The following PLXNA4 variants were observed in gnomAD, a reference collection of about 807,000 sequenced individuals.
The protein encoded by PLXNA4 is plexin A4.
Under a neutral mutation model 191.8 loss-of-function variants are expected in PLXNA4, and 44 were observed. That is an observed-to-expected ratio of 0.23 (90% CI 0.18 to 0.29). PLXNA4 has a LOEUF of 0.29. PLXNA4 is among the 10% of genes least tolerant of loss of function. The probability of loss-of-function intolerance (pLI) is 1.00; values close to 1 mark genes in which losing one functional copy is unlikely to be tolerated. For missense variants in PLXNA4, 1,800 were observed against 2,488.8 expected (o/e 0.72, Z 5.89); for synonymous variants, 1,082 against 1,009.5 (o/e 1.07, Z -1.36).
At chr7:132,278,610 G>A (rs963618549) in intron 4 of PLXNA4, among the ~76,000 whole-genome samples, 2 of 152,206 alleles carry the variant, frequency 1.3e-5, no homozygotes, top group African/African-American at 2.4e-5. Context: ...TCTCAGGGCA[G>A]CGAAGGCCCT....
chr7:132,189,765 AC>A (rs1384710039), intron 14 of PLXNA4, among the ~76,000 whole-genome samples: 3 of 151,936 alleles, frequency 2.0e-5, no homozygotes, highest in Admixed American at 6.6e-5. Flanking sequence ...TCCCTTCTCA[AC>A]CCCCTGCGGA....
intron 17 of PLXNA4, 89 bp from the exon 18 acceptor site, chr7:132,181,709 C>A: frequency 6.5e-7 from 1 of 1,534,308 alleles, no homozygotes; most frequent in Non-Finnish European, 8.8e-7. Context: ...TGGATGTCAT[C>A]GGGATAGCAA....
At chr7:132,253,040 T>A (rs1799309118) in intron 4 of PLXNA4, among the ~76,000 whole-genome samples, 1 of 152,138 alleles carries the variant, frequency 6.6e-6, no homozygotes, top group South Asian at 2.1e-4. Flanking sequence ...AAGAATAACT[T>A]CTAGAGAGAG....
At position 132,508,828 on chromosome 7, in the gene PLXNA4, T is replaced by C. The variant is rs1798592989; in HGVS notation, c.-86-49A>G. The C allele has an allele frequency of 3.6e-6, 5 of 1,407,116 alleles. No individual in the cohort carries two copies. Among genetic ancestry groups the C allele is most frequent in the Non-Finnish European group, 4.7e-6 (5 of 1,075,266 alleles). 87.2% of individuals were successfully genotyped at this position (1,407,116 alleles called of 1,614,324 possible). A position where few individuals can be genotyped will look rare whatever the true frequency, so the allele number is the denominator to read the frequency against. ...CTGGATAACAATGCCAGTGGCTTCA[T>C]TTCACCCCACAGCTTGTCTGCCTGG... On this transcript the variant is annotated intron_variant, in intron 1 of 31. Coordinates refer to ENST00000321063, the MANE Select transcript of PLXNA4 (RefSeq NM_020911.2). This position sits in a 1 kb window ranked among gnomAD's most constrained non-coding sequence, Gnocchi z 4.4.
chr7:132,563,073 C>T (rs1267675494), intron 1 of PLXNA4, among the ~76,000 whole-genome samples: 2 of 103,080 alleles, frequency 1.9e-5, no homozygotes, highest in Non-Finnish European at 4.1e-5. Flanking sequence ...CCTCCTCCTC[C>T]TCCTTCTCCT....
At chr7:132,523,716 G>C (rs1585271072) in intron 1 of PLXNA4, among the ~76,000 whole-genome samples, 1 of 152,206 alleles carries the variant, frequency 6.6e-6, no homozygotes, top group Non-Finnish European at 1.5e-5. Flanking sequence ...GCCTGACTCA[G>C]GTGACAGTGT....
chr7:132,478,860 G>A (rs73444809), intron 3 of PLXNA4, among the ~76,000 whole-genome samples: 6,241 of 152,174 alleles, frequency 0.041, 208 homozygotes, highest in African/African-American at 0.083. Context: ...TCTTGGTGGG[G>A]AGGTAAAAGT....
chr7:132,426,830 T>C (rs1056757102), intron 3 of PLXNA4, among the ~76,000 whole-genome samples: 2 of 152,178 alleles, frequency 1.3e-5, no homozygotes, highest in Non-Finnish European at 2.9e-5. Context: ...TAAATTCACA[T>C]GTCGTCTCAT....
chr7:132,222,238 G>C (rs182020194), intron 9 of PLXNA4, among the ~76,000 whole-genome samples: 38 of 152,210 alleles, frequency 2.5e-4, no homozygotes, highest in Admixed American at 1.4e-3. Flanking sequence ...GATTTGGGCC[G>C]GGATTTTCTG....
At chr7:132,329,165 C>T (rs961900922) in intron 3 of PLXNA4, among the ~76,000 whole-genome samples, 5 of 152,144 alleles carry the variant, frequency 3.3e-5, no homozygotes, top group Non-Finnish European at 5.9e-5. Flanking sequence ...CAAAGGACAC[C>T]TTTTTGTCGG....
chr7:132,539,370 C>T (rs1362366667), intron 1 of PLXNA4, among the ~76,000 whole-genome samples: 1 of 152,194 alleles, frequency 6.6e-6, no homozygotes, highest in African/African-American at 2.4e-5. Flanking sequence ...AATTGGAGGG[C>T]TCCAGTCAGT....
At chr7:132,342,617 A>G (rs1338433309) in intron 3 of PLXNA4, among the ~76,000 whole-genome samples, 1 of 152,136 alleles carries the variant, frequency 6.6e-6, no homozygotes, top group East Asian at 1.9e-4. Context: ...GAGCTGACTA[A>G]GACTCCCTGG....
intron 2 of PLXNA4, among the ~76,000 whole-genome samples, chr7:132,594,303 A>G (rs1476343592): frequency 6.6e-6 from 1 of 152,198 alleles, no homozygotes; most frequent in Non-Finnish European, 1.5e-5. Context: ...TTCTGTCTCA[A>G]GCCAAGGAAC....
intron 2 of PLXNA4, among the ~76,000 whole-genome samples, chr7:132,630,700 A>T (rs1295428917): frequency 6.6e-6 from 1 of 151,802 alleles, no homozygotes; most frequent in East Asian, 1.9e-4. Context: ...TTTAGTAGAG[A>T]TGGGGTTTCA....
chr7:132,174,658 T>A lies in PLXNA4; in HGVS notation c.4017+120A>T, dbSNP rs766277903. 18 of 1,473,556 alleles carry A rather than the reference T, an allele frequency of 1.2e-5. 1 individual carries two copies. The Middle Eastern group carries it at 1.5e-3, about 119-fold the overall frequency. 91.3% of individuals were successfully genotyped at this position (1,473,556 alleles called of 1,614,324 possible). ...ACTGGTGCTGACAATCTGGGGGACC[T>A]TGGGCAAGTTGTGTCCCCTCCCTGG... On this transcript the variant is annotated intron_variant, in intron 21 of 31. Coordinates refer to ENST00000321063, the MANE Select transcript of PLXNA4 (RefSeq NM_020911.2).
intron 25 of PLXNA4, among the ~76,000 whole-genome samples, chr7:132,151,903 C>T (rs568722084): frequency 4.6e-5 from 7 of 152,164 alleles, no homozygotes; most frequent in Non-Finnish European, 7.3e-5. Context: ...GAAAGCCACT[C>T]CTTAATGTCA....
intron 22 of PLXNA4, among the ~76,000 whole-genome samples, chr7:132,165,473 C>A (rs1254488444): frequency 2.0e-5 from 3 of 152,178 alleles, no homozygotes; most frequent in Non-Finnish European, 4.4e-5. Context: ...CCTTAGAGCA[C>A]CGCTGTCCAA....
chr7:132,155,870 T>C (rs894129032), intron 25 of PLXNA4, among the ~76,000 whole-genome samples: 2 of 152,168 alleles, frequency 1.3e-5, no homozygotes, highest in Admixed American at 6.5e-5. Flanking sequence ...TATATCAGGA[T>C]GGATTTTGAA....
chr7:132,181,154 T>A (rs1243248136), intron 18 of PLXNA4, among the ~76,000 whole-genome samples: 1 of 152,012 alleles, frequency 6.6e-6, no homozygotes, highest in Non-Finnish European at 1.5e-5. Flanking sequence ...AGCTTGAGAG[T>A]CAAATAGCCA....
Sources: allele counts gnomAD v4.1 joint callset (sites outside exome capture counted in the v4.1 genomes callset), GRCh38; gene constraint gnomAD v4.1.1; non-coding constraint Gnocchi (gnomAD v3.1); transcripts MANE v1.5; gene names NCBI Gene and HGNC (gene_info 2026-07-23, HGNC 2026-07-21).